Variants in SMYD3 observed in about 807,000 individuals in gnomAD.
The protein encoded by SMYD3 is SET and MYND domain containing 3.
A neutral mutation model predicts 57.7 loss-of-function variants in SMYD3; 36 were observed. The ratio of observed to expected loss-of-function variants is 0.62; its 90% CI spans 0.48 to 0.82. SMYD3 has a LOEUF of 0.82. Among genes scored for constraint, SMYD3 ranks in the 40% least tolerant of loss-of-function variants. The pLI, the probability that SMYD3 is intolerant of heterozygous loss-of-function variation, is 0.00. For synonymous variants in SMYD3, 211 were observed against 195.0 expected (o/e 1.08, Z -0.68); for missense variants, 515 against 538.8 (o/e 0.96, Z 0.44).
chr1:246,304,890 A>T (rs2064954539), intron 5 of SMYD3, among the ~76,000 whole-genome samples: 1 of 152,196 alleles, frequency 6.6e-6, no homozygotes, highest in Admixed American at 6.5e-5. Flanking sequence ...ATGAGACATG[A>T]AACTTTCATC....
chr1:246,230,343 C>G (rs906155620), intron 5 of SMYD3, among the ~76,000 whole-genome samples: 10 of 151,928 alleles, frequency 6.6e-5, no homozygotes, highest in African/African-American at 2.2e-4. Context: ...AATCGCTCAC[C>G]AGAAAGATTT....
intron 8 of SMYD3, among the ~76,000 whole-genome samples, chr1:245,871,082 C>T (rs756573649): frequency 6.6e-6 from 1 of 152,162 alleles, no homozygotes; most frequent in Non-Finnish European, 1.5e-5. Flanking sequence ...TTAATGAACA[C>T]TTACAAACTT....
chr1:246,197,889 T>A (rs191821843), intron 5 of SMYD3, among the ~76,000 whole-genome samples: 174 of 152,328 alleles, frequency 1.1e-3, no homozygotes, highest in African/African-American at 3.9e-3. Flanking sequence ...ATTTAAAAAA[T>A]TTAAACAGTC....
intron 5 of SMYD3, among the ~76,000 whole-genome samples, chr1:245,960,323 T>C (rs2057966006): frequency 2.0e-5 from 3 of 152,232 alleles, no homozygotes. Flanking sequence ...CTGATTCACA[T>C]GGCTTTGTTA....
At chr1:246,369,575 G>T (rs547109750) in intron 1 of SMYD3, among the ~76,000 whole-genome samples, 4 of 152,130 alleles carry the variant, frequency 2.6e-5, no homozygotes, top group African/African-American at 9.6e-5. Flanking sequence ...TACCCAGGCT[G>T]GAGCACAATG....
chr1:245,992,945 T>C (rs1030750437), intron 5 of SMYD3, among the ~76,000 whole-genome samples: 1 of 142,974 alleles, frequency 7.0e-6, no homozygotes, highest in Non-Finnish European at 1.5e-5. Context: ...TGGTCATGGA[T>C]CGGCCACTTC....
rs557161491 is a variant in SMYD3, at chr1:246,165,033, G to T, written c.531+162168C>A. On this transcript the variant is annotated intron_variant, in intron 5 of 11. Transcript: ENST00000490107. ...GCGAAAGAACCCCACCGACTGGGAA[G>T]ACAGTAGTGCAGGAAGAAAACTAGG... 2.6e-5 allele frequency among the ~76,000 whole-genome samples: 4 copies of T among 152,338 alleles called. No individual in the cohort carries two copies. In the East Asian group the frequency reaches 7.7e-4, roughly 29 times the overall value.
chr1:246,506,991 C>CCCCCCCCCCCCCA, intron 1 of SMYD3, 63 bp downstream of exon 1: 2 of 815,392 alleles, frequency 2.5e-6, no homozygotes, highest in Non-Finnish European at 1.7e-6. Context: ...CGCCCGACGC[C>CCCCCCCCCCCCCA]CCCCCCTCCC....
chr1:245,792,758 C>T (rs1041975095), intron 10 of SMYD3, among the ~76,000 whole-genome samples: 5 of 152,092 alleles, frequency 3.3e-5, no homozygotes, highest in Non-Finnish European at 5.9e-5. Context: ...AGGGTGCAGA[C>T]ATGATCTGCA....
intron 5 of SMYD3, among the ~76,000 whole-genome samples, chr1:245,969,982 CA>C (rs141659932): frequency 0.12 from 17,758 of 151,958 alleles, 1,236 homozygotes; most frequent in East Asian, 0.21. Context: ...ATATGGAGCC[CA>C]AAAAGAGCCC....
At chr1:246,340,142 A>G (rs746328221) in intron 2 of SMYD3, among the ~76,000 whole-genome samples, 1 of 151,732 alleles carries the variant, frequency 6.6e-6, no homozygotes, top group African/African-American at 2.4e-5. Flanking sequence ...TCATTGAACT[A>G]TTGTTCTATA....
intron 5 of SMYD3, among the ~76,000 whole-genome samples, chr1:245,963,196 A>AATT (rs1558538566): frequency 6.6e-6 from 1 of 152,210 alleles, no homozygotes; most frequent in Admixed American, 6.5e-5. Flanking sequence ...AGCTTAATTT[A>AATT]ATTATTCCAC....
At chr1:246,201,793 AC>A (rs1445071322) in intron 5 of SMYD3, among the ~76,000 whole-genome samples, 2 of 152,172 alleles carry the variant, frequency 1.3e-5, no homozygotes, top group East Asian at 3.9e-4. Flanking sequence ...CAAGTGGATC[AC>A]TTGAAGTCAG....
chr1:246,108,110 A>AGCTCGTCTTCTTTG (rs2061163702), intron 5 of SMYD3, among the ~76,000 whole-genome samples: 1 of 152,326 alleles, frequency 6.6e-6, no homozygotes, highest in East Asian at 1.9e-4. Flanking sequence ...TAAGAAACAA[A>AGCTCGTCTTCTTTG]GGTCTTCTTG....
At chr1:246,252,578 G>T (rs2063815170) in intron 5 of SMYD3, among the ~76,000 whole-genome samples, 1 of 152,106 alleles carries the variant, frequency 6.6e-6, no homozygotes, top group Non-Finnish European at 1.5e-5. Flanking sequence ...TTTATTAAAA[G>T]TAGCTTTTTT....
At chr1:245,938,873 C>T in intron 5 of SMYD3, among the ~76,000 whole-genome samples, 1 of 152,156 alleles carries the variant, frequency 6.6e-6, no homozygotes, top group East Asian at 1.9e-4. Context: ...TGAGTTGCTG[C>T]AGCAATTTGC....
intron 5 of SMYD3, among the ~76,000 whole-genome samples, chr1:246,200,390 G>A (rs965782670): frequency 5.3e-5 from 8 of 151,988 alleles, no homozygotes; most frequent in South Asian, 2.1e-4. Context: ...GGAGAACAGC[G>A]CAGACGCTGA....
chr1:246,093,770 A>T (rs1032844185), intron 5 of SMYD3, among the ~76,000 whole-genome samples: 50 of 152,118 alleles, frequency 3.3e-4, no homozygotes, highest in African/African-American at 1.1e-3. Flanking sequence ...ATTTTTTTTT[A>T]ATTCCAATAG....
At chr1:245,769,945 G>T (rs1166859344) in intron 10 of SMYD3, among the ~76,000 whole-genome samples, 1 of 152,118 alleles carries the variant, frequency 6.6e-6, no homozygotes. Context: ...AGCTGGCCCT[G>T]CATATCCACA....
Sources: gnomAD v4.1 joint callset for allele counts (sites outside exome capture counted in the v4.1 genomes callset) on GRCh38, gnomAD v4.1.1 for gene constraint, MANE v1.5 for transcripts, NCBI Gene and HGNC (gene_info 2026-07-23, HGNC 2026-07-21) for gene names.